Variants in ACCSL observed in about 807,000 individuals in gnomAD.
The protein encoded by ACCSL is probable inactive 1-aminocyclopropane-1-carboxylate synthase-like protein 2.
Under a neutral mutation model 61.7 loss-of-function variants are expected in ACCSL, and 55 were observed. The observed-to-expected ratio is 0.89, with a 90% confidence interval of 0.72 to 1.12. ACCSL has a LOEUF of 1.12. Ranked by LOEUF, ACCSL falls within the 50% of genes most tolerant of loss-of-function variation. The pLI, the probability that ACCSL is intolerant of heterozygous loss-of-function variation, is 0.00. For synonymous variants in ACCSL, 258 were observed against 264.3 expected, an observed-to-expected ratio of 0.98 and a Z score of 0.23; for missense variants, 632 against 698.0, an observed-to-expected ratio of 0.91 and a Z score of 1.07.
chr11:43,977,508 A>T, the ACCSL span, among the ~76,000 whole-genome samples: 2 of 152,182 alleles, frequency 1.3e-5, no homozygotes, highest in Non-Finnish European at 2.9e-5. Context: ...GAAGCTGGAA[A>T]GAACAAGGAA....
At chr11:43,944,281 C>T in the ACCSL span, 1 of 163,180 alleles carries the variant, frequency 6.1e-6, no homozygotes, top group Non-Finnish European at 1.4e-5. Flanking sequence ...TTCCTGGCGG[C>T]GGGTGGGGAG....
At chr11:43,942,886 C>G in the ACCSL span, 1 of 1,322,558 alleles carries the variant, frequency 7.6e-7, no homozygotes, top group Non-Finnish European at 9.6e-7. Flanking sequence ...CGCCCGGCCC[C>G]GCAGACGCCG....
upstream of ACCSL, among the ~76,000 whole-genome samples, chr11:44,043,017 A>G (rs543070882): frequency 2.6e-5 from 4 of 151,182 alleles, no homozygotes; most frequent in South Asian, 8.4e-4. Context: ...TGGGAAGTTG[A>G]AGCTGCATTG....
the ACCSL span, chr11:43,944,375 G>A: frequency 6.4e-6 from 1 of 156,162 alleles, no homozygotes; most frequent in African/African-American, 2.4e-5. Flanking sequence ...CGAGAGTGTG[G>A]GTGCGCGCTC....
chr11:44,048,142 T>C lies in ACCSL; in HGVS notation c.106T>C (p.Leu36=), dbSNP rs1590427362. The C allele has an allele frequency of 1.2e-6, 2 of 1,614,172 alleles. No homozygotes were observed. The highest frequency in any genetic ancestry group is 2.2e-5 in the East Asian group (1 of 44,872). The part of the protein sequence containing the change: ...YTQLLEITLH[L]QQAMTEHFVQ... The stretch of plus-strand genomic sequence containing the variant: ...CCAGCTGTTGGAGATAACGCTGCAC[T>C]TGCAGCAGGCCATGACGGAGCACTT... Residue 36 remains leucine, a synonymous_variant, in exon 1 of 14, where the codon TTG becomes CTG. Coordinates refer to ENST00000378832, the MANE Select transcript of ACCSL (RefSeq NM_001031854.2).
the ACCSL span, among the ~76,000 whole-genome samples, chr11:43,976,676 G>C: frequency 6.6e-6 from 1 of 152,130 alleles, no homozygotes; most frequent in Non-Finnish European, 1.5e-5. Flanking sequence ...GGAAGGGGAA[G>C]GCACAGGAAG....
the ACCSL span, among the ~76,000 whole-genome samples, chr11:43,975,301 C>T: frequency 2.6e-5 from 4 of 152,084 alleles, no homozygotes; most frequent in African/African-American, 4.8e-5. Flanking sequence ...TCTCCGGATG[C>T]AAACAATGCT....
At chr11:43,974,709 A>G in the ACCSL span, among the ~76,000 whole-genome samples, 2 of 152,182 alleles carry the variant, frequency 1.3e-5, no homozygotes, top group Non-Finnish European at 2.9e-5. Flanking sequence ...ACAGCCAGCT[A>G]CTATGTAATG....
At chr11:44,041,529 CAACATAGG>C in the ACCSL span, among the ~76,000 whole-genome samples, 1 of 152,160 alleles carries the variant, frequency 6.6e-6, no homozygotes, top group Non-Finnish European at 1.5e-5. Flanking sequence ...TGTGTATATG[CAACATAGG>C]CATAGCTGTG....
chr11:43,983,496 T>C, the ACCSL span, among the ~76,000 whole-genome samples: 1 of 152,018 alleles, frequency 6.6e-6, no homozygotes, highest in Non-Finnish European at 1.5e-5. Flanking sequence ...AGGAACGAAA[T>C]TGGTGCTCTG....
the ACCSL span, among the ~76,000 whole-genome samples, chr11:43,966,880 C>G: frequency 6.6e-6 from 1 of 152,046 alleles, no homozygotes; most frequent in Non-Finnish European, 1.5e-5. Context: ...AGAAAGTTAC[C>G]TTCTATTTCT....
chr11:44,002,225 A>G, the ACCSL span, among the ~76,000 whole-genome samples: 1 of 151,908 alleles, frequency 6.6e-6, no homozygotes, highest in Non-Finnish European at 1.5e-5. Context: ...GGACAGGAGA[A>G]GGGGTGGGTT....
At chr11:43,930,908 G>A in the ACCSL span, among the ~76,000 whole-genome samples, 3 of 152,206 alleles carry the variant, frequency 2.0e-5, no homozygotes, top group Middle Eastern at 3.4e-3. Context: ...CTGATGTTTT[G>A]TGTTCCATTG....
At chr11:44,012,817 C>T in the ACCSL span, among the ~76,000 whole-genome samples, 2 of 152,144 alleles carry the variant, frequency 1.3e-5, no homozygotes, top group Non-Finnish European at 2.9e-5. Flanking sequence ...GTGGTCCCTC[C>T]ATGTGGTGAA....
At chr11:44,045,222 G>C (rs1952591080), upstream of ACCSL, among the ~76,000 whole-genome samples, 1 of 152,114 alleles carries the variant, frequency 6.6e-6, no homozygotes, top group Non-Finnish European at 1.5e-5. Flanking sequence ...AGGATCACTT[G>C]AGCCCAGGAA....
At chr11:43,928,331 C>T in the ACCSL span, among the ~76,000 whole-genome samples, 7 of 152,150 alleles carry the variant, frequency 4.6e-5, no homozygotes, top group Admixed American at 2.0e-4. Flanking sequence ...TTTTCTAGTG[C>T]TGGTAACACC....
chr11:44,017,316 A>G, the ACCSL span, among the ~76,000 whole-genome samples: 1 of 152,228 alleles, frequency 6.6e-6, no homozygotes, highest in Non-Finnish European at 1.5e-5. Flanking sequence ...GTCAGGGCTC[A>G]CACATACAGC....
At chr11:44,004,904 G>A in the ACCSL span, among the ~76,000 whole-genome samples, 2 of 152,118 alleles carry the variant, frequency 1.3e-5, no homozygotes, top group Admixed American at 6.5e-5. Flanking sequence ...CTTTCCCATC[G>A]AGGGGATGCA....
the ACCSL span, among the ~76,000 whole-genome samples, chr11:43,938,844 A>C: frequency 6.6e-6 from 1 of 152,240 alleles, no homozygotes; most frequent in African/African-American, 2.4e-5. Context: ...GGCTATCCTA[A>C]GGACATCCTA....
Sources: allele counts gnomAD v4.1 joint callset (sites outside exome capture counted in the v4.1 genomes callset), GRCh38; gene constraint gnomAD v4.1.1; transcripts MANE v1.5; gene names NCBI Gene and HGNC (gene_info 2026-07-23, HGNC 2026-07-21).